Variants in DPYD observed in about 807,000 individuals in gnomAD.
The protein encoded by DPYD is dihydropyrimidine dehydrogenase.
In DPYD, 109 loss-of-function variants were observed where a neutral mutation model predicts 116.2. The ratio of observed to expected loss-of-function variants is 0.94; its 90% CI spans 0.80 to 1.10. DPYD has a LOEUF of 1.10. Ranked by LOEUF, DPYD falls within the 50% of genes least tolerant of loss-of-function variation. The pLI, the probability that DPYD is intolerant of heterozygous loss-of-function variation, is 0.00. For synonymous variants in DPYD, 440 were observed against 432.0 expected (o/e 1.02, Z -0.23); for missense variants, 1,302 against 1,254.5 (o/e 1.04, Z -0.57).
chr1:97,094,260 A>G (rs1650084803), intron 21 of DPYD, among the ~76,000 whole-genome samples: 1 of 152,098 alleles, frequency 6.6e-6, no homozygotes, highest in African/African-American at 2.4e-5. Context: ...TACGGTTACA[A>G]TGGGGGAATT....
chr1:97,384,035 G>A (rs1400401191), intron 14 of DPYD, among the ~76,000 whole-genome samples: 4 of 152,120 alleles, frequency 2.6e-5, no homozygotes, highest in African/African-American at 9.7e-5. Context: ...CTTGAATCCA[G>A]GTGTTCAAGG....
At chr1:97,551,928 G>A (rs774386456) in intron 11 of DPYD, among the ~76,000 whole-genome samples, 6 of 151,982 alleles carry the variant, frequency 3.9e-5, no homozygotes, top group Non-Finnish European at 8.8e-5. Context: ...CATTGTATTA[G>A]ATATACCATA....
intron 12 of DPYD, among the ~76,000 whole-genome samples, chr1:97,519,948 A>T (rs929569864): frequency 2.6e-5 from 4 of 152,266 alleles, no homozygotes; most frequent in Admixed American, 2.6e-4. Flanking sequence ...GATCATAAAA[A>T]ATATAATTAT....
chr1:97,238,003 A>G (rs905914272), intron 18 of DPYD, among the ~76,000 whole-genome samples: 3 of 152,122 alleles, frequency 2.0e-5, no homozygotes, highest in Non-Finnish European at 4.4e-5. Context: ...TAATGGACAT[A>G]AAAAGGCAAC....
intron 14 of DPYD, among the ~76,000 whole-genome samples, chr1:97,391,098 CAT>C (rs1466924693): frequency 1.4e-4 from 20 of 139,774 alleles, no homozygotes; most frequent in African/African-American, 5.3e-4. Context: ...CAATTTCTCA[CAT>C]GTTGATGCTC....
At chr1:97,325,141 T>C (rs941178346) in intron 16 of DPYD, among the ~76,000 whole-genome samples, 2 of 152,060 alleles carry the variant, frequency 1.3e-5, no homozygotes, top group African/African-American at 4.8e-5. Flanking sequence ...ATTCAACAAA[T>C]GCAGAGTACC....
intron 20 of DPYD, among the ~76,000 whole-genome samples, chr1:97,178,651 T>C (rs1657453047): frequency 6.6e-6 from 1 of 151,726 alleles, no homozygotes; most frequent in African/African-American, 2.4e-5. Flanking sequence ...GGGCACAAAA[T>C]CTAACCATAT....
chr1:97,460,918 T>C (rs1052973750), intron 13 of DPYD, among the ~76,000 whole-genome samples: 2 of 151,538 alleles, frequency 1.3e-5, no homozygotes, highest in Non-Finnish European at 2.9e-5. Flanking sequence ...GCCCCTGTAA[T>C]CCCAGCTACT....
intron 10 of DPYD, among the ~76,000 whole-genome samples, chr1:97,575,736 A>C (rs976639483): frequency 6.6e-6 from 1 of 152,188 alleles, no homozygotes; most frequent in African/African-American, 2.4e-5. Context: ...ATCAAATTTG[A>C]AAACTGCTCT....
At chr1:97,392,916 A>G (rs964788080) in intron 14 of DPYD, among the ~76,000 whole-genome samples, 1 of 152,062 alleles carries the variant, frequency 6.6e-6, no homozygotes. Context: ...TAATGCAGAC[A>G]TCTGACTTCC....
At chr1:97,607,792 T>C (rs1655694387) in intron 8 of DPYD, among the ~76,000 whole-genome samples, 2 of 152,032 alleles carry the variant, frequency 1.3e-5, no homozygotes, top group South Asian at 4.2e-4. Flanking sequence ...ATTTAAAACA[T>C]TATACAGCGC....
chr1:97,778,670 A>G (rs934274281), intron 3 of DPYD, among the ~76,000 whole-genome samples: 5 of 152,196 alleles, frequency 3.3e-5, no homozygotes, highest in African/African-American at 9.6e-5. Flanking sequence ...AATGACCATA[A>G]CAAAAGGCAT....
intron 8 of DPYD, among the ~76,000 whole-genome samples, chr1:97,602,089 T>C (rs1393341029): frequency 6.6e-6 from 1 of 151,994 alleles, no homozygotes; most frequent in African/African-American, 2.4e-5. Context: ...CACAAGATTC[T>C]TTTTGTACAC....
chr1:97,210,569 C>T (rs1418421350), intron 19 of DPYD, among the ~76,000 whole-genome samples: 1 of 152,136 alleles, frequency 6.6e-6, no homozygotes, highest in Non-Finnish European at 1.5e-5. Context: ...ATTTCAATTA[C>T]TATGAGGCAT....
intron 18 of DPYD, among the ~76,000 whole-genome samples, chr1:97,236,136 T>C (rs1033835551): frequency 2.0e-4 from 31 of 152,202 alleles, no homozygotes; most frequent in African/African-American, 7.5e-4. Context: ...TTCCTGGTGT[T>C]CCCTTATAAG....
At position 97,730,883 on chromosome 1, in the gene DPYD, GA is replaced by G. The variant is rs113743840; in HGVS notation, c.322-9213del. ...GTCAAAGCTAGTCATCATTAGAGTTGAAAAAAAAAGCATTGGGTATTGAAAG... is the reference window on the plus strand; with the variant it reads ...GTCAAAGCTAGTCATCATTAGAGTTGAAAAAAAAGCATTGGGTATTGAAAG... On this transcript the variant is annotated intron_variant, in intron 4 of 22. Coordinates refer to ENST00000370192, the MANE Select transcript of DPYD (RefSeq NM_000110.4). Among the ~76,000 whole-genome samples the G allele has an allele frequency of 8.7e-3, 1,300 of 148,604 alleles. 18 individuals are homozygous for G. Among genetic ancestry groups the G allele is most frequent in the African/African-American group, 0.029 (1,183 of 40,556 alleles).
At chr1:97,250,498 A>T (rs1456275968) in intron 18 of DPYD, among the ~76,000 whole-genome samples, 1 of 152,160 alleles carries the variant, frequency 6.6e-6, no homozygotes, top group Non-Finnish European at 1.5e-5. Context: ...ATATCCATCA[A>T]TTGGAGAATG....
At chr1:97,218,748 A>G (rs1168990154) in intron 19 of DPYD, among the ~76,000 whole-genome samples, 1 of 152,164 alleles carries the variant, frequency 6.6e-6, no homozygotes, top group African/African-American at 2.4e-5. Context: ...GATATGCCAA[A>G]TCAAAAGTGA....
chr1:97,358,230 G>A (rs762620556), intron 16 of DPYD, among the ~76,000 whole-genome samples: 51 of 152,318 alleles, frequency 3.3e-4, no homozygotes, highest in Non-Finnish European at 6.3e-4. Flanking sequence ...AACCTATGAG[G>A]CAGCAGCCTG....
Sources: gnomAD v4.1 joint callset for allele counts (sites outside exome capture counted in the v4.1 genomes callset) on GRCh38, gnomAD v4.1.1 for gene constraint, MANE v1.5 for transcripts, NCBI Gene and HGNC (gene_info 2026-07-23, HGNC 2026-07-21) for gene names.